Variants in PRELID2 observed in about 807,000 individuals in gnomAD.
PRELID2 encodes the protein PRELI domain containing 2.
A neutral mutation model predicts 28.4 loss-of-function variants in PRELID2; 25 were observed. That is an observed-to-expected ratio of 0.88 (90% CI 0.64 to 1.23). The LOEUF is 1.23. PRELID2 is among the 50% of genes most tolerant of loss of function. The pLI, the probability that PRELID2 is intolerant of heterozygous loss-of-function variation, is 0.00. For synonymous variants in PRELID2, 76 were observed against 71.6 expected (o/e 1.06, Z -0.31); for missense variants, 201 against 214.4 (o/e 0.94, Z 0.39).
chr5:145,503,847 G>C (rs1167874794), intron 1 of PRELID2, among the ~76,000 whole-genome samples: 1 of 152,096 alleles, frequency 6.6e-6, no homozygotes, highest in African/African-American at 2.4e-5. Flanking sequence ...ATATACCATA[G>C]GTTTACCCTT....
At chr5:145,477,095 T>G (rs966316074) in intron 1 of PRELID2, among the ~76,000 whole-genome samples, 1 of 152,194 alleles carries the variant, frequency 6.6e-6, no homozygotes, top group African/African-American at 2.4e-5. Flanking sequence ...TCCAGTAATC[T>G]TTTCATGGCA....
intron 2 of PRELID2, among the ~76,000 whole-genome samples, chr5:145,822,315 T>A (rs182647969): frequency 6.6e-6 from 1 of 152,294 alleles, no homozygotes; most frequent in African/African-American, 2.4e-5. Flanking sequence ...AGACCAGGAA[T>A]CAGTAAACAT....
chr5:145,377,403 G>C, the PRELID2 span, among the ~76,000 whole-genome samples: 2 of 152,240 alleles, frequency 1.3e-5, no homozygotes, highest in African/African-American at 4.8e-5. Context: ...AGGTCCATTT[G>C]ATCCAGTGCT....
chr5:145,408,685 A>G, the PRELID2 span, among the ~76,000 whole-genome samples: 3 of 151,992 alleles, frequency 2.0e-5, no homozygotes, highest in Non-Finnish European at 4.4e-5. Flanking sequence ...AAGCAATTGT[A>G]AAAATGAACA....
intron 1 of PRELID2, among the ~76,000 whole-genome samples, chr5:145,707,274 A>G (rs1202359541): frequency 1.3e-5 from 2 of 152,172 alleles, no homozygotes; most frequent in African/African-American, 2.4e-5. Context: ...TGTGACCCCA[A>G]TGATCGTGAC....
chr5:145,290,892 C>T, the PRELID2 span, among the ~76,000 whole-genome samples: 1 of 150,864 alleles, frequency 6.6e-6, no homozygotes, highest in Non-Finnish European at 1.5e-5. Flanking sequence ...GAATTTTAAA[C>T]TTTTAATATA....
chr5:145,495,662 G>C (rs1194417674), intron 1 of PRELID2, among the ~76,000 whole-genome samples: 1 of 152,078 alleles, frequency 6.6e-6, no homozygotes, highest in Admixed American at 6.6e-5. Context: ...TAGAAAACAG[G>C]GATAATGTTA....
chr5:145,432,774 T>C, the PRELID2 span, among the ~76,000 whole-genome samples: 5 of 152,156 alleles, frequency 3.3e-5, no homozygotes, highest in Admixed American at 3.3e-4. Context: ...TGAAAATCCA[T>C]TTAAGAAACC....
At chr5:145,367,452 T>C in the PRELID2 span, among the ~76,000 whole-genome samples, 2 of 151,932 alleles carry the variant, frequency 1.3e-5, no homozygotes, top group Non-Finnish European at 2.9e-5. Context: ...CTTACACTGA[T>C]ACATCATAAT....
At chr5:145,466,080 G>A in the PRELID2 span, among the ~76,000 whole-genome samples, 2 of 151,914 alleles carry the variant, frequency 1.3e-5, no homozygotes, top group African/African-American at 2.4e-5. Flanking sequence ...TTCTGCTGCT[G>A]TTCCAAATAA....
chr5:145,410,833 A>G, the PRELID2 span, among the ~76,000 whole-genome samples: 1 of 152,234 alleles, frequency 6.6e-6, no homozygotes, highest in Admixed American at 6.5e-5. Context: ...CTTTTCAACC[A>G]TCTCTGAAAG....
intron 5 of PRELID2, among the ~76,000 whole-genome samples, chr5:145,778,590 C>A (rs546368926): frequency 6.6e-6 from 1 of 152,208 alleles, no homozygotes; most frequent in African/African-American, 2.4e-5. Context: ...GCTTGTAGTG[C>A]GCCTGGCCCA....
the PRELID2 span, among the ~76,000 whole-genome samples, chr5:145,395,937 C>G: frequency 6.6e-6 from 1 of 152,160 alleles, no homozygotes; most frequent in African/African-American, 2.4e-5. Flanking sequence ...TTGCCACAGT[C>G]ATATATCTCC....
At chr5:145,753,474 G>T (rs926207042), downstream of PRELID2, among the ~76,000 whole-genome samples, 1 of 152,178 alleles carries the variant, frequency 6.6e-6, no homozygotes, top group Non-Finnish European at 1.5e-5. Flanking sequence ...AGGCACTGAG[G>T]CACTTTTTTC....
At chr5:145,608,535 G>A (rs993107515) in intron 1 of PRELID2, among the ~76,000 whole-genome samples, 1 of 152,216 alleles carries the variant, frequency 6.6e-6, no homozygotes, top group African/African-American at 2.4e-5. Flanking sequence ...TTCTTGGTTG[G>A]AATTTCTTTT....
At chr5:145,398,308 C>T in the PRELID2 span, among the ~76,000 whole-genome samples, 3 of 152,120 alleles carry the variant, frequency 2.0e-5, no homozygotes, top group East Asian at 1.9e-4. Context: ...ATTTCCCCCT[C>T]GCCTCTTTTA....
At chr5:145,433,456 G>A in the PRELID2 span, among the ~76,000 whole-genome samples, 1 of 152,148 alleles carries the variant, frequency 6.6e-6, no homozygotes, top group African/African-American at 2.4e-5. Flanking sequence ...GAAACTGGAA[G>A]GCAGGAGGAG....
At chr5:145,473,294 T>A (rs1752070222) in exon 2 of PRELID2, 1 of 152,184 alleles carries the variant, frequency 6.6e-6, no homozygotes, top group South Asian at 2.1e-4. Flanking sequence ...CATTTTCCAG[T>A]CTTTATTTCC....
rs1476588304 is a variant in PRELID2, at chr5:145,757,068, T to C, written c.*3468A>G. On this transcript the variant is annotated 3_prime_UTR_variant, in exon 7 of 7. Coordinates refer to ENST00000683046, the MANE Select transcript of PRELID2 (RefSeq NM_205846.3). ...GAGAAATGTATACTAAATTAAGAAATAGTTTGATGTAAATGATTGAAATAA... is the reference window on the plus strand; with the variant it reads ...GAGAAATGTATACTAAATTAAGAAACAGTTTGATGTAAATGATTGAAATAA... Among the ~76,000 whole-genome samples the C allele has an allele frequency of 6.6e-6, 1 of 152,152 alleles. No homozygotes were observed. The highest frequency in any genetic ancestry group is 1.5e-5 in the Non-Finnish European group (1 of 68,038).
Sources: allele counts gnomAD v4.1 joint callset (sites outside exome capture counted in the v4.1 genomes callset), GRCh38; gene constraint gnomAD v4.1.1; transcripts MANE v1.5; gene names NCBI Gene and HGNC (gene_info 2026-07-23, HGNC 2026-07-21).